Variants in NKAIN3 observed in about 807,000 individuals in gnomAD.
NKAIN3 encodes sodium/potassium-transporting ATPase subunit beta-1-interacting protein 3.
NKAIN3 carries 25 observed loss-of-function variants against 30.2 expected under a neutral mutation model. The ratio of observed to expected loss-of-function variants is 0.83; its 90% confidence interval spans 0.60 to 1.16. NKAIN3 has a LOEUF of 1.16. Ranked by LOEUF, NKAIN3 falls within the 50% of genes most tolerant of loss-of-function variation. The pLI is 0.00. For missense variants in NKAIN3, 225 were observed against 254.1 expected (o/e 0.89, Z 0.78); for synonymous variants, 91 against 89.6 (o/e 1.02, Z -0.09).
intron 4 of NKAIN3, among the ~76,000 whole-genome samples, chr8:62,770,247 A>C (rs971494143): frequency 6.6e-6 from 1 of 152,228 alleles, no homozygotes; most frequent in Non-Finnish European, 1.5e-5. Context: ...CAGAAGATCC[A>C]GGGATAATCT....
intron 3 of NKAIN3, among the ~76,000 whole-genome samples, chr8:62,644,304 G>A (rs558370528): frequency 6.6e-6 from 1 of 152,020 alleles, no homozygotes; most frequent in Non-Finnish European, 1.5e-5. Context: ...GCAAACAAAG[G>A]TCTCCTCAAA....
intron 3 of NKAIN3, among the ~76,000 whole-genome samples, chr8:62,629,774 G>A (rs573403912): frequency 2.6e-5 from 4 of 152,080 alleles, no homozygotes; most frequent in African/African-American, 9.6e-5. Flanking sequence ...TTTTTAGACT[G>A]GTAAATACTA....
chr8:62,638,428 C>A (rs1161206952), intron 3 of NKAIN3, among the ~76,000 whole-genome samples: 1 of 152,110 alleles, frequency 6.6e-6, no homozygotes, highest in African/African-American at 2.4e-5. Flanking sequence ...GAGAGGCAAA[C>A]AAAGCTAGAG....
chr8:62,933,781 G>A (rs540112533), intron 5 of NKAIN3, among the ~76,000 whole-genome samples: 53 of 152,272 alleles, frequency 3.5e-4, no homozygotes, highest in African/African-American at 1.2e-3. Flanking sequence ...AAATAGAAAA[G>A]GTAGGTGTTT....
rs976938830 is a variant in NKAIN3, at chr8:62,805,273, C to A, written c.471+58144C>A. Among the ~76,000 whole-genome samples, 490 of 151,796 alleles carry A rather than the reference C, an allele frequency of 3.2e-3. 2 individuals are homozygous for A. Among genetic ancestry groups the A allele is most frequent in the African/African-American group, 0.01 (430 of 41,358 alleles). ...TGCCATCCCCATCAAGCTACCAATG[C>A]CTTTCTTCACAGAATTGGAAAAAAC... is the stretch of plus-strand genomic sequence containing the variant. On this transcript the variant is annotated intron_variant, in intron 4 of 6. Transcript: ENST00000623646.
At chr8:62,958,941 CTA>C (rs1372327286) in intron 6 of NKAIN3, among the ~76,000 whole-genome samples, 2 of 152,192 alleles carry the variant, frequency 1.3e-5, no homozygotes, top group Non-Finnish European at 2.9e-5. Context: ...AGGATGATGC[CTA>C]TGACTGCAGT....
At chr8:62,803,171 T>C (rs993156527) in intron 4 of NKAIN3, among the ~76,000 whole-genome samples, 1 of 152,140 alleles carries the variant, frequency 6.6e-6, no homozygotes, top group African/African-American at 2.4e-5. Flanking sequence ...AATGGGAGAC[T>C]TTAACACCCC....
chr8:62,543,873 TATTTTTTTATCAGTGCA>T (rs1459984660), intron 1 of NKAIN3, among the ~76,000 whole-genome samples: 9 of 152,216 alleles, frequency 5.9e-5, no homozygotes, highest in Admixed American at 3.3e-4. Context: ...GTCTTATTTT[TATTTTTTTATCAGTGCA>T]AAAAGTAAAA....
At chr8:62,658,844 G>A (rs564959867) in intron 3 of NKAIN3, among the ~76,000 whole-genome samples, 11 of 151,732 alleles carry the variant, frequency 7.2e-5, no homozygotes, top group Admixed American at 2.0e-4. Context: ...GTCCTACTTC[G>A]CTATGGACAT....
intron 4 of NKAIN3, chr8:62,864,131 C>T (rs975171362): frequency 1.1e-5 from 7 of 618,954 alleles, no homozygotes; most frequent in African/African-American, 9.3e-5. Flanking sequence ...GTGATGGCGA[C>T]GCGAGCGCGG....
intron 1 of NKAIN3, among the ~76,000 whole-genome samples, chr8:62,384,298 G>A (rs576069703): frequency 6.6e-5 from 10 of 152,156 alleles, no homozygotes; most frequent in South Asian, 2.1e-4. Flanking sequence ...TTAACGTTAC[G>A]CAGTTATGAT....
chr8:62,864,040 C>T (rs555530051), intron 4 of NKAIN3: 3 of 702,064 alleles, frequency 4.3e-6, no homozygotes, highest in African/African-American at 1.8e-5. Flanking sequence ...TTTCGGCCTC[C>T]GCTTTTGGGC....
chr8:62,838,258 A>ATC (rs766604798), intron 4 of NKAIN3, among the ~76,000 whole-genome samples: 2 of 151,766 alleles, frequency 1.3e-5, no homozygotes, highest in Non-Finnish European at 2.9e-5. Flanking sequence ...ATTAAGAGAA[A>ATC]TCATGTTTGC....
At chr8:62,829,873 C>G (rs1286643041) in intron 4 of NKAIN3, among the ~76,000 whole-genome samples, 1 of 151,864 alleles carries the variant, frequency 6.6e-6, no homozygotes, top group African/African-American at 2.4e-5. Flanking sequence ...AACTAGACTC[C>G]CATAAGGTAT....
At chr8:62,919,493 C>T (rs1822213176) in intron 5 of NKAIN3, among the ~76,000 whole-genome samples, 1 of 151,940 alleles carries the variant, frequency 6.6e-6, no homozygotes. Context: ...GATCCACCCG[C>T]CTCGGCCTCC....
At chr8:62,364,136 C>A (rs1816653374) in intron 1 of NKAIN3, among the ~76,000 whole-genome samples, 1 of 152,064 alleles carries the variant, frequency 6.6e-6, no homozygotes. Context: ...TGTCTGTTAG[C>A]CATATTAATG....
At chr8:62,528,282 TTGTG>T (rs1342338918) in intron 1 of NKAIN3, among the ~76,000 whole-genome samples, 1 of 123,406 alleles carries the variant, frequency 8.1e-6, no homozygotes, top group Non-Finnish European at 1.7e-5. Flanking sequence ...CTATTTGGTA[TTGTG>T]ATATATATAT....
At chr8:62,413,346 C>T (rs1240927641) in intron 1 of NKAIN3, among the ~76,000 whole-genome samples, 1 of 152,124 alleles carries the variant, frequency 6.6e-6, no homozygotes, top group Non-Finnish European at 1.5e-5. Flanking sequence ...TATATTCTAC[C>T]AGGATACATT....
intron 1 of NKAIN3, among the ~76,000 whole-genome samples, chr8:62,322,764 T>C (rs1360592599): frequency 6.6e-6 from 1 of 152,176 alleles, no homozygotes; most frequent in Non-Finnish European, 1.5e-5. Context: ...AAACATTTGC[T>C]GACAAACAAA....
Sources: gnomAD v4.1 joint callset for allele counts (sites outside exome capture counted in the v4.1 genomes callset) on GRCh38, gnomAD v4.1.1 for gene constraint, MANE v1.5 for transcripts, NCBI Gene and HGNC (gene_info 2026-07-23, HGNC 2026-07-21) for gene names.